The following CHD9 variants were observed in gnomAD, a reference collection of about 807,000 sequenced individuals.
The protein encoded by CHD9 is ATP-dependent chromatin remodeler CHD9.
Under a neutral mutation model 316.1 loss-of-function variants are expected in CHD9, and 77 were observed. That is an observed-to-expected ratio of 0.24 (90% CI 0.20 to 0.29). CHD9 has a LOEUF of 0.29. CHD9 is among the 10% of genes least tolerant of loss of function. The probability of loss-of-function intolerance (pLI) is 1.00; values close to 1 mark genes in which losing one functional copy is unlikely to be tolerated. For synonymous variants in CHD9, 1,129 were observed against 1,158.3 expected, an observed-to-expected ratio of 0.97 and a Z score of 0.51; for missense variants, 2,763 against 3,438.1, an observed-to-expected ratio of 0.80 and a Z score of 4.91.
chr16:53,254,639 G>A (rs1422493531), intron 18 of CHD9, 34 bp downstream of exon 18: 2 of 1,543,660 alleles, frequency 1.3e-6, no homozygotes, highest in African/African-American at 1.4e-5. Context: ...TGAGATTTTT[G>A]TGTGTTTTTG....
chr16:53,163,181 CT>C (rs2042037892), intron 2 of CHD9, among the ~76,000 whole-genome samples: 1 of 151,808 alleles, frequency 6.6e-6, no homozygotes, highest in Non-Finnish European at 1.5e-5. Flanking sequence ...CTTGTTTGTC[CT>C]TTTGCCATTT....
chr16:53,194,566 C>T (rs2044738279), intron 2 of CHD9, among the ~76,000 whole-genome samples: 1 of 152,050 alleles, frequency 6.6e-6, no homozygotes, highest in African/African-American at 2.4e-5. Flanking sequence ...GAGTGAGACC[C>T]TGTCTCAAAA....
intron 24 of CHD9, among the ~76,000 whole-genome samples, chr16:53,283,570 C>A (rs766087286): frequency 2.6e-4 from 40 of 152,160 alleles, no homozygotes; most frequent in Non-Finnish European, 4.6e-4. Flanking sequence ...CACTTTTTTT[C>A]TCCTCTGGGA....
chr16:53,285,144 A>G (rs371843366), intron 24 of CHD9, among the ~76,000 whole-genome samples: 2 of 152,158 alleles, frequency 1.3e-5, no homozygotes, highest in African/African-American at 2.4e-5. Context: ...TTTCTTAGCA[A>G]TAGTGGTCTA....
At chr16:53,087,496 C>A (rs1366116741) in intron 1 of CHD9, among the ~76,000 whole-genome samples, 1 of 152,198 alleles carries the variant, frequency 6.6e-6, no homozygotes, top group Non-Finnish European at 1.5e-5. Context: ...TGATTCAAAT[C>A]CTGCCTCCAC....
rs2054212585 is a variant in CHD9, at chr16:53,290,198, C to T, written c.5248-1527C>T. On this transcript the variant is annotated intron_variant, in intron 27 of 38. Transcript: ENST00000447540. Reference sequence around the variant, plus strand: ...CTGAGGCAGGAGAATCACTTGAAGCCAGGAGGCGGAGGTTGCAGTGAGCTG... The same window carrying T: ...CTGAGGCAGGAGAATCACTTGAAGCTAGGAGGCGGAGGTTGCAGTGAGCTG... 2.0e-5 allele frequency among the ~76,000 whole-genome samples: 3 copies of T among 152,244 alleles called. No individual in the cohort carries two copies. In the South Asian group the frequency reaches 6.2e-4, roughly 32 times the overall value.
chr16:53,205,032 G>C (rs868694176), intron 2 of CHD9, among the ~76,000 whole-genome samples: 38 of 152,062 alleles, frequency 2.5e-4, no homozygotes, highest in African/African-American at 8.4e-4. Flanking sequence ...AGTAGAGATG[G>C]GGTTTCACCA....
intron 24 of CHD9, among the ~76,000 whole-genome samples, chr16:53,282,304 A>C (rs1372446265): frequency 1.3e-5 from 2 of 152,110 alleles, no homozygotes; most frequent in East Asian, 3.8e-4. Flanking sequence ...TTCACTGCCA[A>C]ATTTATGTTA....
chr16:53,071,390 G>C (rs961510114), intron 1 of CHD9, among the ~76,000 whole-genome samples: 1 of 152,134 alleles, frequency 6.6e-6, no homozygotes, highest in Non-Finnish European at 1.5e-5. Context: ...GTGTTATATA[G>C]AGTCAAAAGC....
Position 53,298,904 on chromosome 16 carries a change from C to G in CHD9, c.5713+1746C>G, listed in dbSNP as rs771431098. On this transcript the variant is annotated intron_variant, in intron 30 of 38. Transcript: ENST00000447540. The stretch of plus-strand genomic sequence containing the variant: ...GAAGAGACAGAAGATATAATTGTGG[C>G]AAATCACTGGGTTCTGCCTACAGCC... 4 of 157,930 alleles carry G rather than the reference C, an allele frequency of 2.5e-5. No homozygotes were observed. In the Middle Eastern group the frequency reaches 1.7e-3, roughly 65 times the overall value. The allele number at this position is 157,930 out of a possible 1,614,324, so 9.8% of individuals were successfully genotyped here. A position where few individuals can be genotyped will look rare whatever the true frequency, so the allele number is the denominator to read the frequency against.
intron 3 of CHD9, among the ~76,000 whole-genome samples, chr16:53,214,982 C>T (rs751175963): frequency 5.3e-5 from 8 of 151,422 alleles, no homozygotes; most frequent in East Asian, 2.0e-4. Flanking sequence ...GGCACATCTC[C>T]GCTCACTGCA....
chr16:53,130,745 G>A (rs1272529993), intron 1 of CHD9, among the ~76,000 whole-genome samples: 1 of 151,850 alleles, frequency 6.6e-6, no homozygotes, highest in Middle Eastern at 3.2e-3. Context: ...GTCGGGCCGC[G>A]CCAGGAGGGA....
chr16:53,202,613 C>G (rs771345445), intron 2 of CHD9, among the ~76,000 whole-genome samples: 3 of 151,912 alleles, frequency 2.0e-5, no homozygotes, highest in Non-Finnish European at 2.9e-5. Context: ...CCTTTTTTCC[C>G]TGTGCTTCCT....
intron 2 of CHD9, among the ~76,000 whole-genome samples, chr16:53,191,150 A>G (rs1461826144): frequency 6.6e-6 from 1 of 152,104 alleles, no homozygotes; most frequent in Admixed American, 6.6e-5. Flanking sequence ...TTCTGCCACT[A>G]TAGATTAGTT....
Position 53,247,323 on chromosome 16 carries a change from G to T in CHD9, c.3485G>T (p.Arg1162Ile), listed in dbSNP as rs978560365. ...GAEEKILGEF[R>I]DTYNPAASDF... ...GAGGAGAAAATACTTGGAGAATTTA[G>T]AGATACTTACAATCCAGCTGCTTCT... The change falls in exon 16 of 39, where the codon AGA becomes ATA. Residue 1162 changes from arginine (R) to isoleucine (I), a missense_variant. Transcript: ENST00000447540. 6.2e-7 allele frequency: 1 copy of T among 1,603,526 alleles called. No individual in the cohort carries two copies. Among genetic ancestry groups the T allele is most frequent in the Admixed American group, 1.7e-5 (1 of 58,654 alleles).
At chr16:53,189,670 T>C (rs1381985405) in intron 2 of CHD9, among the ~76,000 whole-genome samples, 2 of 152,076 alleles carry the variant, frequency 1.3e-5, no homozygotes, top group Non-Finnish European at 2.9e-5. Context: ...GCGTTTGCTG[T>C]GTTTGTATTT....
intron 1 of CHD9, among the ~76,000 whole-genome samples, chr16:53,102,931 C>A (rs984711971): frequency 1.6e-4 from 25 of 151,942 alleles, no homozygotes; most frequent in African/African-American, 4.8e-5. Flanking sequence ...CTGCAAACTC[C>A]GCCTCCCGGG....
At chr16:53,138,540 G>A (rs1202883981) in intron 1 of CHD9, among the ~76,000 whole-genome samples, 4 of 152,202 alleles carry the variant, frequency 2.6e-5, no homozygotes, top group Admixed American at 6.5e-5. Flanking sequence ...TCCAGGAGGC[G>A]AAGGGGTTAA....
rs536742950 is a variant in CHD9 at position 53,102,647 on chromosome 16, C to T, written c.-165+47570C>T. On this transcript the variant is annotated intron_variant, in intron 1 of 38. Transcript: ENST00000447540. ...GGGAGAATCACTTGAGGCCAGTCTT[C>T]AAGACCAGCCTGGGTAACATAGCAA... 2.0e-5 allele frequency among the ~76,000 whole-genome samples: 3 copies of T among 152,118 alleles called. No individual in the cohort carries two copies. The East Asian group carries it at 5.8e-4, about 30-fold the overall frequency.
Sources: allele counts gnomAD v4.1 joint callset (sites outside exome capture counted in the v4.1 genomes callset), GRCh38; gene constraint gnomAD v4.1.1; transcripts MANE v1.5; gene names NCBI Gene and HGNC (gene_info 2026-07-23, HGNC 2026-07-21).